Variants in LVRN observed in about 807,000 individuals in gnomAD.
LVRN encodes the protein aminopeptidase Q.
A neutral mutation model predicts 111.4 loss-of-function variants in LVRN; 99 were observed. The ratio of observed to expected loss-of-function variants is 0.89; its 90% CI spans 0.76 to 1.05. The LOEUF (loss-of-function observed/expected upper bound fraction) is 1.05. Ranked by LOEUF, LVRN falls within the 50% of genes least tolerant of loss-of-function variation. LVRN has a pLI of 0.00. For missense variants in LVRN, 1,414 were observed against 1,206.8 expected, an observed-to-expected ratio of 1.17 and a Z score of -2.54; for synonymous variants, 488 against 449.5, an observed-to-expected ratio of 1.09 and a Z score of -1.08.
At chr5:115,986,558 A>G (rs1747869826) in intron 3 of LVRN, among the ~76,000 whole-genome samples, 1 of 152,222 alleles carries the variant, frequency 6.6e-6, no homozygotes, top group African/African-American at 2.4e-5. Context: ...CTATCAGTGG[A>G]ATGTGAACAT....
intron 13 of LVRN, among the ~76,000 whole-genome samples, chr5:116,009,551 C>A (rs1053433820): frequency 6.6e-6 from 1 of 152,052 alleles, no homozygotes; most frequent in Admixed American, 6.6e-5. Flanking sequence ...AATGCCATTA[C>A]GAACATTTGC....
intron 15 of LVRN, among the ~76,000 whole-genome samples, chr5:116,013,689 A>G (rs1266197139): frequency 1.3e-5 from 2 of 152,132 alleles, no homozygotes; most frequent in Non-Finnish European, 2.9e-5. Context: ...GGAGTAACAG[A>G]GATTTGGCGC....
chr5:116,018,465 G>C (rs904250116), intron 18 of LVRN, among the ~76,000 whole-genome samples: 1 of 152,120 alleles, frequency 6.6e-6, no homozygotes, highest in Non-Finnish European at 1.5e-5. Flanking sequence ...CTGAGGTCGG[G>C]AGTTCGTGAC....
chr5:116,009,802 A>T (rs1047989092), intron 13 of LVRN, among the ~76,000 whole-genome samples: 1 of 152,210 alleles, frequency 6.6e-6, no homozygotes, highest in African/African-American at 2.4e-5. Context: ...AGGAAAGTGG[A>T]TTCTTGAGAA....
intron 1 of LVRN, among the ~76,000 whole-genome samples, chr5:115,972,977 G>A (rs1753359776): frequency 6.6e-6 from 1 of 151,724 alleles, no homozygotes; most frequent in Non-Finnish European, 1.5e-5. Context: ...TGCCCAGGCT[G>A]GAGTGCAGTG....
chr5:116,003,138 T>A (rs1364063861), intron 11 of LVRN, 103 bp from the exon 12 acceptor site: 1 of 1,135,042 alleles, frequency 8.8e-7, no homozygotes, highest in Non-Finnish European at 1.2e-6. Context: ...CTTTAATTTT[T>A]TGTTTTGTTG....
Position 115,980,057 on chromosome 5 carries a change from A to G in LVRN, c.696-3230A>G, listed in dbSNP as rs149954748. On this transcript the variant is annotated intron_variant, in intron 1 of 19. Coordinates refer to ENST00000357872, the MANE Select transcript of LVRN (RefSeq NM_173800.5). ...TGATTCTCTTTCCAGACAAGAGGGC[A>G]GGAAAGTTGCTCTGCAATACTGACC... 1.1e-4 allele frequency among the ~76,000 whole-genome samples: 17 copies of G among 152,264 alleles called. No individual in the cohort carries two copies. The East Asian group carries it at 3.3e-3, about 29-fold the overall frequency.
At chr5:115,988,045 T>G in intron 4 of LVRN, 106 bp downstream of exon 4, 1 of 1,438,266 alleles carries the variant, frequency 7.0e-7, no homozygotes, top group Non-Finnish European at 9.4e-7. Context: ...CCATCACCAT[T>G]TAGCTGCTGG....
In LVRN at chr5:116,010,773, A is replaced by G; in HGVS notation, c.2126A>G (p.Glu709Gly). 1 of 1,605,766 alleles carries G rather than the reference A, an allele frequency of 6.2e-7. No individual in the cohort carries two copies. The highest frequency in any genetic ancestry group is 1.1e-5 in the South Asian group (1 of 89,704). The change falls in exon 14 of 20, where the codon GAG (glutamate) becomes GGG (glycine). Residue 709 changes from glutamate to glycine, a missense_variant. Transcript: ENST00000357872. The stretch of plus-strand genomic sequence containing the variant: ...TATATTGAGATTGAAACAGCACTTG[A>G]GTTAACCAAGTACCTTGCTGAAGAA... ...NNYIEIETAL[E>G]LTKYLAEEDE...
intron 7 of LVRN, 136 bp downstream of exon 7, chr5:116,000,038 T>A: frequency 1.0e-6 from 1 of 978,082 alleles, no homozygotes; most frequent in Non-Finnish European, 1.5e-6. Flanking sequence ...AATACATAGG[T>A]ATCAGAAAAC....
At chr5:116,000,523 C>T in intron 8 of LVRN, 25 bp downstream of exon 8, 1 of 1,613,314 alleles carries the variant, frequency 6.2e-7, no homozygotes, top group Non-Finnish European at 8.5e-7. Flanking sequence ...TAGTCGTTAC[C>T]TGGATGGCAG....
At chr5:115,985,023 G>T (rs1747825114) in intron 3 of LVRN, among the ~76,000 whole-genome samples, 1 of 152,146 alleles carries the variant, frequency 6.6e-6, no homozygotes, top group Non-Finnish European at 1.5e-5. Flanking sequence ...TGCTGCACTG[G>T]CACCTTGATG....
chr5:115,993,776 C>G lies in LVRN; in HGVS notation c.1296C>G (p.Asn432Lys). ...FGNLVTMNWW[N>K]NIWLNEGFAS... ...ACTTGGTTACCATGAATTGGTGGAA[C>G]AATATCTGGCTCAACGAGGGTTTTG... Residue 432 changes from asparagine (N) to lysine (K), a missense_variant, in exon 6 of 20, where the codon AAC becomes AAG. Transcript: ENST00000357872. The G allele has an allele frequency of 5.6e-6, 9 of 1,609,972 alleles. No individual in the cohort carries two copies. The highest frequency in any genetic ancestry group is 7.6e-6 in the Non-Finnish European group (9 of 1,178,900).
chr5:116,018,526 G>A (rs1307702604), intron 18 of LVRN, among the ~76,000 whole-genome samples: 1 of 151,856 alleles, frequency 6.6e-6, no homozygotes, highest in African/African-American at 2.4e-5. Flanking sequence ...TACAAAAGTA[G>A]CCAGGCATGG....
intron 18 of LVRN, among the ~76,000 whole-genome samples, chr5:116,019,313 A>C (rs1261982233): frequency 6.6e-6 from 1 of 152,160 alleles, no homozygotes; most frequent in Admixed American, 6.5e-5. Context: ...GCTCCTTTTT[A>C]ATCTTGTAGG....
chr5:115,998,496 C>A (rs1222944490), intron 6 of LVRN, among the ~76,000 whole-genome samples: 1 of 152,070 alleles, frequency 6.6e-6, no homozygotes, highest in Non-Finnish European at 1.5e-5. Flanking sequence ...ATGGTGGCGA[C>A]CTTAGGGTGC....
intron 11 of LVRN, 56 bp from the exon 12 acceptor site, chr5:116,003,185 G>A: frequency 7.0e-7 from 1 of 1,424,634 alleles, no homozygotes; most frequent in South Asian, 1.3e-5. Context: ...GTATTAATAG[G>A]TATTAAGATC....
intron 4 of LVRN, among the ~76,000 whole-genome samples, chr5:115,991,728 T>G (rs1403160409): frequency 6.6e-6 from 1 of 152,228 alleles, no homozygotes; most frequent in Non-Finnish European, 1.5e-5. Flanking sequence ...AATATCTCAT[T>G]GTTTTAATTT....
intron 1 of LVRN, chr5:115,976,237 C>T (rs17138513): frequency 0.055 from 8,388 of 152,510 alleles, 763 homozygotes; most frequent in African/African-American, 0.19. Flanking sequence ...TACTGTTGAG[C>T]TTCGCCAGAT....
Sources: gnomAD v4.1 joint callset for allele counts (sites outside exome capture counted in the v4.1 genomes callset) on GRCh38, gnomAD v4.1.1 for gene constraint, MANE v1.5 for transcripts, NCBI Gene and HGNC (gene_info 2026-07-23, HGNC 2026-07-21) for gene names.